ZNF718: variants seen among roughly 807,000 people sequenced by gnomAD.
ZNF718 encodes zinc finger protein 718.
ZNF718 carries 3 observed loss-of-function variants against 2.6 expected under a neutral mutation model. The ratio of observed to expected loss-of-function variants is 1.16; its 90% CI spans 0.53 to 3.01. The LOEUF (loss-of-function observed/expected upper bound fraction) is 3.01. ZNF718 is among the 30% of genes most tolerant of loss of function. The probability of loss-of-function intolerance (pLI) is 0.03; values close to 1 mark genes in which losing one functional copy is unlikely to be tolerated. For missense variants in ZNF718, 468 were observed against 230.0 expected (o/e 2.03, Z -6.69); for synonymous variants, 135 against 77.9 (o/e 1.73, Z -3.86).
At chr4:148,349 C>T (rs1240286449) in intron 3 of ZNF718, among the ~76,000 whole-genome samples, 1 of 152,016 alleles carries the variant, frequency 6.6e-6, no homozygotes, top group Admixed American at 6.5e-5. Context: ...TGACTCACAT[C>T]TGTAATCCCT....
At chr4:195,944 TTC>T (rs781967990) in intron 3 of ZNF718, among the ~76,000 whole-genome samples, 1 of 152,138 alleles carries the variant, frequency 6.6e-6, no homozygotes, top group South Asian at 2.1e-4. Context: ...TTCTCTTTTT[TTC>T]TCTCTTTGAC....
At chr4:171,556 C>T (rs1247575127) in intron 3 of ZNF718, among the ~76,000 whole-genome samples, 2 of 152,142 alleles carry the variant, frequency 1.3e-5, no homozygotes, top group African/African-American at 2.4e-5. Flanking sequence ...GGCGCCCCTC[C>T]CCCAGCCTCA....
intron 3 of ZNF718, among the ~76,000 whole-genome samples, chr4:200,203 G>C (rs1218418836): frequency 1.3e-5 from 2 of 152,196 alleles, no homozygotes; most frequent in East Asian, 3.8e-4. Context: ...CAGACTAACA[G>C]TACAATCGGA....
chr4:141,936 G>T, intron 3 of ZNF718: 1 of 469,422 alleles, frequency 2.1e-6, no homozygotes, highest in Non-Finnish European at 4.3e-6. Context: ...TTGTATAAAA[G>T]CTTTACTATG....
intron 3 of ZNF718, among the ~76,000 whole-genome samples, chr4:178,893 G>A (rs1425169403): frequency 6.6e-6 from 1 of 152,148 alleles, no homozygotes; most frequent in Non-Finnish European, 1.5e-5. Flanking sequence ...GGTTTTGAAA[G>A]TTTGATATAG....
intron 3 of ZNF718, among the ~76,000 whole-genome samples, chr4:175,217 C>T (rs546999946): frequency 6.6e-6 from 1 of 152,328 alleles, no homozygotes; most frequent in South Asian, 2.1e-4. Context: ...CGTTTTACCC[C>T]GCAGGATCAG....
intron 3 of ZNF718, among the ~76,000 whole-genome samples, chr4:174,931 C>T (rs1246717112): frequency 6.6e-6 from 1 of 152,168 alleles, no homozygotes; most frequent in Non-Finnish European, 1.5e-5. Flanking sequence ...AAGAACTAAT[C>T]GAGCTATTAA....
intron 3 of ZNF718, among the ~76,000 whole-genome samples, chr4:185,947 C>T (rs781840018): frequency 6.6e-6 from 1 of 152,060 alleles, no homozygotes; most frequent in Admixed American, 6.6e-5. Flanking sequence ...GTACTTTATT[C>T]AGCTTGCCAT....
At chr4:157,748 C>T (rs1553813962) in intron 3 of ZNF718, among the ~76,000 whole-genome samples, 2 of 152,006 alleles carry the variant, frequency 1.3e-5, no homozygotes, top group African/African-American at 4.8e-5. Context: ...TTTTTGTGGC[C>T]TAACCGGTGG....
intron 3 of ZNF718, among the ~76,000 whole-genome samples, chr4:190,067 C>A (rs540785166): frequency 1.3e-5 from 2 of 152,216 alleles, no homozygotes; most frequent in African/African-American, 4.8e-5. Context: ...CCACAGTCTT[C>A]TTTATTTGTG....
intron 3 of ZNF718, among the ~76,000 whole-genome samples, chr4:184,565 T>C (rs1553820255): frequency 6.6e-6 from 1 of 152,172 alleles, no homozygotes; most frequent in African/African-American, 2.4e-5. Context: ...TCATTTTTTC[T>C]GGCATAGTTT....
chr4:166,071 A>G (rs930502303), downstream of ZNF718, among the ~76,000 whole-genome samples: 1 of 152,080 alleles, frequency 6.6e-6, no homozygotes, highest in Non-Finnish European at 1.5e-5. Context: ...TCACTGTTCA[A>G]TTCCCACCTA....
At chr4:129,008 A>G (rs1715296785) in intron 1 of ZNF718, among the ~76,000 whole-genome samples, 1 of 105,098 alleles carries the variant, frequency 9.5e-6, no homozygotes, top group South Asian at 2.9e-4. Context: ...TGTTCAGTAC[A>G]AAGACAGAAA....
Position 124,776 on chromosome 4 carries a change from C to T in ZNF718, c.3+103C>T, listed in dbSNP as rs1715117931. Reference sequence around the variant, plus strand: ...GTCTGTGAATGGAGTTCCCGCTCAGCCCTCTGTCCTCAGTCCCCTCCGGTG... The same window carrying T: ...GTCTGTGAATGGAGTTCCCGCTCAGTCCTCTGTCCTCAGTCCCCTCCGGTG... On this transcript the variant is annotated intron_variant, in intron 1 of 3. Transcript: ENST00000510175. The T allele has an allele frequency of 9.3e-6, 14 of 1,506,100 alleles. No individual in the cohort carries two copies. In the Admixed American group the frequency reaches 1.1e-4, roughly 11 times the overall value. The allele number at this position is 1,506,100 out of a possible 1,614,324, so 93.3% of individuals were successfully genotyped here. A position where few individuals can be genotyped will look rare whatever the true frequency, so the allele number is the denominator to read the frequency against.
chr4:139,383 C>T (rs545278659), intron 3 of ZNF718, among the ~76,000 whole-genome samples: 1 of 152,262 alleles, frequency 6.6e-6, no homozygotes, highest in African/African-American at 2.4e-5. Context: ...GAGACTCCCC[C>T]ATTATATTGA....
chr4:200,991 T>G (rs1553822707), intron 3 of ZNF718: 1 of 152,348 alleles, frequency 6.6e-6, no homozygotes, highest in African/African-American at 2.4e-5. Context: ...CGCAGATACA[T>G]TAAAGGCTGA....
chr4:177,383 A>G (rs1553819224), intron 3 of ZNF718, among the ~76,000 whole-genome samples: 3 of 152,212 alleles, frequency 2.0e-5, no homozygotes, highest in African/African-American at 7.2e-5. Flanking sequence ...TTTCTGGGTT[A>G]ACAGATTAAG....
At chr4:150,543 C>G (rs565694768) in intron 3 of ZNF718, among the ~76,000 whole-genome samples, 1 of 151,986 alleles carries the variant, frequency 6.6e-6, no homozygotes, top group Non-Finnish European at 1.5e-5. Context: ...CTTAATGTAA[C>G]GGCCTCCAGG....
chr4:124,789 G>C, intron 1 of ZNF718, 116 bp downstream of exon 1: 1 of 1,411,604 alleles, frequency 7.1e-7, no homozygotes. Flanking sequence ...TCTGTCCTCA[G>C]TCCCCTCCGG....
Sources: gnomAD v4.1 joint callset for allele counts (sites outside exome capture counted in the v4.1 genomes callset) on GRCh38, gnomAD v4.1.1 for gene constraint, MANE v1.5 for transcripts, NCBI Gene and HGNC (gene_info 2026-07-23, HGNC 2026-07-21) for gene names.